Variants in SDK2 observed in about 807,000 individuals in gnomAD.
SDK2 encodes sidekick cell adhesion molecule 2.
In SDK2, 105 loss-of-function variants were observed where a neutral mutation model predicts 253.9. That is an observed-to-expected ratio of 0.41 (90% CI 0.35 to 0.49). SDK2 has a LOEUF of 0.49. Among genes scored for constraint, SDK2 ranks in the 20% least tolerant of loss-of-function variants. The pLI, the probability that SDK2 is intolerant of heterozygous loss-of-function variation, is 0.06. For synonymous variants in SDK2, 1,249 were observed against 1,234.9 expected, an observed-to-expected ratio of 1.01 and a Z score of -0.24; for missense variants, 2,608 against 3,003.0, an observed-to-expected ratio of 0.87 and a Z score of 3.07.
chr17:73,597,826 T>C (rs1162180197), intron 1 of SDK2, among the ~76,000 whole-genome samples: 1 of 152,042 alleles, frequency 6.6e-6, no homozygotes, highest in Non-Finnish European at 1.5e-5. Flanking sequence ...TTTGTATTTT[T>C]AGTAGAGATG....
At chr17:73,552,580 G>A (rs1056307335) in intron 1 of SDK2, among the ~76,000 whole-genome samples, 2 of 152,160 alleles carry the variant, frequency 1.3e-5, no homozygotes, top group African/African-American at 4.8e-5. Context: ...ACTTAGATTA[G>A]CTTCTCGGCA....
At chr17:73,529,206 G>T (rs2064150091) in intron 1 of SDK2, among the ~76,000 whole-genome samples, 1 of 152,162 alleles carries the variant, frequency 6.6e-6, no homozygotes, top group East Asian at 1.9e-4. Context: ...TGCATGAGTG[G>T]GAACCGGGGA....
chr17:73,418,148 C>T (rs1022501804), intron 16 of SDK2, among the ~76,000 whole-genome samples: 34 of 151,882 alleles, frequency 2.2e-4, no homozygotes, highest in African/African-American at 7.0e-4. Flanking sequence ...GCTGGGACTA[C>T]GGGTGTGTGC....
At chr17:73,540,216 C>A (rs72845740) in intron 1 of SDK2, among the ~76,000 whole-genome samples, 1 of 152,120 alleles carries the variant, frequency 6.6e-6, no homozygotes, top group Non-Finnish European at 1.5e-5. Flanking sequence ...TCAGAGCCTC[C>A]GAGGGAGCAG....
At chr17:73,484,783 T>C (rs1274302068) in intron 2 of SDK2, among the ~76,000 whole-genome samples, 1 of 152,208 alleles carries the variant, frequency 6.6e-6, no homozygotes, top group Non-Finnish European at 1.5e-5. Flanking sequence ...CCTCTGCCTT[T>C]ATTTGGTGTT....
chr17:73,592,475 C>A (rs1471311616), intron 1 of SDK2, among the ~76,000 whole-genome samples: 1 of 152,146 alleles, frequency 6.6e-6, no homozygotes, highest in African/African-American at 2.4e-5. Flanking sequence ...AGCAGGCCAA[C>A]CACATGGAGG....
At chr17:73,535,093 G>A (rs1033179988) in intron 1 of SDK2, among the ~76,000 whole-genome samples, 16 of 152,168 alleles carry the variant, frequency 1.1e-4, no homozygotes, top group African/African-American at 7.2e-5. Flanking sequence ...AGAAGACACC[G>A]CCAATCCCCT....
At chr17:73,339,227 TTG>T (rs1277004222) in intron 44 of SDK2, among the ~76,000 whole-genome samples, 29 of 141,930 alleles carry the variant, frequency 2.0e-4, no homozygotes, top group East Asian at 7.8e-4. Flanking sequence ...TTTTTTGTTT[TTG>T]TTTTTGTTTT....
chr17:73,610,967 C>G (rs1287997372), intron 1 of SDK2, among the ~76,000 whole-genome samples: 1 of 152,172 alleles, frequency 6.6e-6, no homozygotes, highest in African/African-American at 2.4e-5. Context: ...AAGGATCTGT[C>G]AGAAATGTTA....
rs752302118 is a variant in SDK2, at chr17:73,422,443, A to T, written c.1898-9T>A. ...TACAGTCCAGGGGGCATCTGCAGGG[A>T]CAGTGAGTGGGGCAGAAGTGGGTAT... On this transcript the variant is annotated splice_polypyrimidine_tract_variant and intron_variant, in intron 14 of 44. Coordinates refer to ENST00000392650, the MANE Select transcript of SDK2 (RefSeq NM_001144952.2). 6.2e-6 allele frequency: 10 copies of T among 1,613,470 alleles called. No homozygotes were observed. The highest frequency in any genetic ancestry group is 7.6e-6 in the Non-Finnish European group (9 of 1,179,546).
Position 73,402,244 on chromosome 17 carries a change from C to T in SDK2, c.2485-103G>A, listed in dbSNP as rs182804286. The T allele has an allele frequency of 1.5e-4, 189 of 1,269,998 alleles. 1 individual carries two copies. The East Asian group carries it at 3.7e-3, about 25-fold the overall frequency. The allele number at this position is 1,269,998 out of a possible 1,614,324, so 78.7% of individuals were successfully genotyped here. On this transcript the variant is annotated intron_variant, in intron 18 of 44. Transcript: ENST00000392650. ...CAATCAACAGATGGTGTCCGGGGAC[C>T]GGAGTCCCTGTGGTGCCTCCTCCGA... is the stretch of plus-strand genomic sequence containing the variant.
At position 73,338,841 on chromosome 17, in the gene SDK2, G is replaced by A. The variant is rs2062406020; in HGVS notation, c.6265C>T (p.Arg2089Ter). The change falls in exon 45 of 45, where the codon CGA (arginine) becomes TGA (stop). Residue 2089 changes from arginine to a stop codon, truncating the protein, a stop_gained. Transcript: ENST00000392650. LOFTEE classifies it high-confidence loss of function. The surrounding 1 kb of genome is among the most constrained non-coding windows in gnomAD (Gnocchi z 5.0). ...SDPTYYNSWR[R>*]QQKGISRAQA... ...GCCCTCGAGATGCCCTTCTGCTGTC[G>A]CCGCCACGAGTTGTAGTATGTGGGG... 8.1e-6 allele frequency: 13 copies of A among 1,613,994 alleles called. No homozygotes were observed. The highest frequency in any genetic ancestry group is 1.1e-5 in the Non-Finnish European group (13 of 1,179,890).
At chr17:73,397,577 A>G (rs1411365350) in intron 24 of SDK2, among the ~76,000 whole-genome samples, 1 of 152,074 alleles carries the variant, frequency 6.6e-6, no homozygotes, top group Admixed American at 6.5e-5. Flanking sequence ...TACTGTCACT[A>G]CCTCGTGCAG....
intron 1 of SDK2, among the ~76,000 whole-genome samples, chr17:73,556,641 G>C (rs1350747158): frequency 6.6e-6 from 1 of 152,196 alleles, no homozygotes; most frequent in Non-Finnish European, 1.5e-5. Context: ...TTATTGTATG[G>C]TTGTTACCAT....
intron 44 of SDK2, among the ~76,000 whole-genome samples, chr17:73,339,365 GAC>G (rs2145364049): frequency 6.6e-6 from 1 of 151,780 alleles, no homozygotes; most frequent in South Asian, 2.1e-4. Flanking sequence ...TAGCTGGGAT[GAC>G]AGACATGTGC....
chr17:73,370,356 C>T (rs2062724362), intron 36 of SDK2, among the ~76,000 whole-genome samples: 1 of 152,178 alleles, frequency 6.6e-6, no homozygotes, highest in South Asian at 2.1e-4. Flanking sequence ...CATCCTCCCA[C>T]CTCAGCCTCC....
chr17:73,398,233 C>A, intron 23 of SDK2, 48 bp from the exon 24 acceptor site: 1 of 1,599,492 alleles, frequency 6.3e-7, no homozygotes, highest in Non-Finnish European at 8.5e-7. Flanking sequence ...GCTCACCCAA[C>A]TCTCAACCCT....
intron 1 of SDK2, among the ~76,000 whole-genome samples, chr17:73,638,083 A>T (rs1217277293): frequency 2.0e-5 from 3 of 152,196 alleles, no homozygotes; most frequent in Non-Finnish European, 2.9e-5. Flanking sequence ...GCTACATGGC[A>T]TGGGGTGTGC....
chr17:73,480,258 G>T (rs2063712817), intron 2 of SDK2, among the ~76,000 whole-genome samples: 1 of 152,232 alleles, frequency 6.6e-6, no homozygotes, highest in South Asian at 2.1e-4. Flanking sequence ...AACGGGATAT[G>T]TATCCGATGG....
Sources: allele counts gnomAD v4.1 joint callset (sites outside exome capture counted in the v4.1 genomes callset), GRCh38; gene constraint gnomAD v4.1.1; non-coding constraint Gnocchi (gnomAD v3.1); transcripts MANE v1.5; gene names NCBI Gene and HGNC (gene_info 2026-07-23, HGNC 2026-07-21).